MTUS2: variants seen among roughly 807,000 people sequenced by gnomAD.
MTUS2 encodes microtubule-associated tumor suppressor candidate 2.
In MTUS2, 40 loss-of-function variants were observed where a neutral mutation model predicts 114.1. The observed-to-expected ratio is 0.35, with a 90% CI of 0.27 to 0.46. MTUS2 has a LOEUF of 0.46. MTUS2 is among the 20% of genes least tolerant of loss of function. MTUS2 has a pLI of 1.00. For missense variants in MTUS2, 1,679 were observed against 1,705.4 expected (o/e 0.98, Z 0.27); for synonymous variants, 688 against 672.0 (o/e 1.02, Z -0.37).
rs2139038124 is a variant in MTUS2, at chr13:29,504,437, T to A, written c.*1231T>A. ...CTGTCCCGGGGGACCAGTTCTGAGCTGTGCTAGATCATCACACGACCACCC... is the reference window on the plus strand; with the variant it reads ...CTGTCCCGGGGGACCAGTTCTGAGCAGTGCTAGATCATCACACGACCACCC... On this transcript the variant is annotated 3_prime_UTR_variant, in exon 16 of 16. Transcript: ENST00000612955. 4.3e-6 allele frequency: 1 copy of A among 232,244 alleles called. No homozygotes were observed. Among genetic ancestry groups the A allele is most frequent in the East Asian group, 6.1e-5 (1 of 16,412 alleles). 14.4% of individuals were successfully genotyped at this position (232,244 alleles called of 1,614,324 possible). A position where few individuals can be genotyped will look rare whatever the true frequency, so the allele number is the denominator to read the frequency against.
In MTUS2 at chr13:29,026,784, T is replaced by C. The variant is rs1457812435; in HGVS notation, c.2086T>C (p.Tyr696His). The C allele has an allele frequency of 5.0e-6, 8 of 1,613,564 alleles. No homozygotes were observed. Among genetic ancestry groups the C allele is most frequent in the Admixed American group, 1.7e-5 (1 of 60,004 alleles). Residue 696 changes from tyrosine (Y) to histidine (H), a missense_variant, in exon 3 of 16, where the codon TAT (tyrosine) becomes CAT (histidine). Transcript: ENST00000612955. ...GGDLKPSANL[Y>H]EKFKPDLQKP... ...TGACCTGAAGCCATCTGCCAACCTC[T>C]ATGAGAAATTCAAGCCAGACCTGCA... is the stretch of plus-strand genomic sequence containing the variant.
chr13:29,018,895 A>G (rs993621427), intron 2 of MTUS2, among the ~76,000 whole-genome samples: 15 of 152,284 alleles, frequency 9.9e-5, no homozygotes, highest in African/African-American at 3.4e-4. Flanking sequence ...ATGGGCAGAT[A>G]CAATTTTGTT....
rs189434840 is a variant in MTUS2, at chr13:29,447,534, G to C, written c.3184+7485G>C. On this transcript the variant is annotated intron_variant, in intron 9 of 15. Transcript: ENST00000612955. ...TAGGGCTAGGATAATTACCCGTTTGGGGAAATCAGGGTGACTTAAGTTTTG... is the reference window on the plus strand; with the variant it reads ...TAGGGCTAGGATAATTACCCGTTTGCGGAAATCAGGGTGACTTAAGTTTTG... Among the ~76,000 whole-genome samples, 88 of 151,890 alleles carry C rather than the reference G, an allele frequency of 5.8e-4. 1 individual carries two copies. Among genetic ancestry groups the C allele is most frequent in the African/African-American group, 2.0e-3 (81 of 41,388 alleles).
chr13:29,453,305 C>T (rs938203321), intron 9 of MTUS2, among the ~76,000 whole-genome samples: 1 of 152,216 alleles, frequency 6.6e-6, no homozygotes, highest in Non-Finnish European at 1.5e-5. Context: ...TTGAGTTTCT[C>T]GTGAACCTCT....
In MTUS2 at chr13:29,008,385, G is replaced by A. The variant is rs571672231; in HGVS notation, c.-242-16072G>A. 2.0e-3 allele frequency among the ~76,000 whole-genome samples: 309 copies of A among 152,160 alleles called. 1 individual carries two copies. Among genetic ancestry groups the A allele is most frequent in the African/African-American group, 7.1e-3 (295 of 41,532 alleles). On this transcript the variant is annotated intron_variant, in intron 2 of 15. Coordinates refer to ENST00000612955, the MANE Select transcript of MTUS2 (RefSeq NM_001033602.4). ...CAGGACCATCAGTCACATTTTTCTC[G>A]CTGGATCTACTTTCCACCGCCTTCT...
intron 2 of MTUS2, among the ~76,000 whole-genome samples, chr13:28,995,461 A>G (rs181299206): frequency 0.013 from 1,970 of 151,998 alleles, 33 homozygotes; most frequent in East Asian, 0.052. Context: ...ATTGATGGGG[A>G]TGGCATTGAA....
At chr13:29,055,046 C>A (rs1280873605) in intron 4 of MTUS2, among the ~76,000 whole-genome samples, 1 of 151,948 alleles carries the variant, frequency 6.6e-6, no homozygotes, top group African/African-American at 2.4e-5. Context: ...TCAATTAGGT[C>A]CAGTTGATTG....
intron 9 of MTUS2, among the ~76,000 whole-genome samples, chr13:29,452,606 G>GTGTA (rs1555280542): frequency 3.8e-5 from 5 of 132,036 alleles, no homozygotes; most frequent in African/African-American, 5.7e-5. Context: ...GTGTGTGTGT[G>GTGTA]TATATATATA....
intron 5 of MTUS2, among the ~76,000 whole-genome samples, chr13:29,262,936 C>G (rs916860720): frequency 4.6e-5 from 7 of 152,146 alleles, no homozygotes; most frequent in Non-Finnish European, 2.9e-5. Flanking sequence ...ATGGTGTCAG[C>G]TAACATGTAT....
intron 4 of MTUS2, among the ~76,000 whole-genome samples, chr13:29,093,318 C>T (rs1337339577): frequency 6.6e-6 from 1 of 152,062 alleles, no homozygotes; most frequent in Non-Finnish European, 1.5e-5. Flanking sequence ...TGGTGCATGC[C>T]TGTAATCCCA....
chr13:29,017,627 A>G (rs972276471), intron 2 of MTUS2, among the ~76,000 whole-genome samples: 11 of 152,078 alleles, frequency 7.2e-5, no homozygotes, highest in African/African-American at 2.7e-4. Context: ...ATATTCTGAT[A>G]TGGCCCTCTT....
rs35903527 is a variant in MTUS2 at position 29,112,051 on chromosome 13, C to A, written c.2644+11081C>A. ...CCTATAACTACATCATACATCCATT[C>A]CTATAAGTACATCCACAGCAGCATA... is the stretch of plus-strand genomic sequence containing the variant. On this transcript the variant is annotated intron_variant, in intron 5 of 15. Coordinates refer to ENST00000612955, the MANE Select transcript of MTUS2 (RefSeq NM_001033602.4). Among the ~76,000 whole-genome samples the A allele has an allele frequency of 9.1e-3, 1,382 of 152,254 alleles. 13 individuals are homozygous for A. Among genetic ancestry groups the A allele is most frequent in the Middle Eastern group, 0.024 (7 of 294 alleles).
chr13:29,427,631 A>G (rs1438619909), intron 8 of MTUS2, among the ~76,000 whole-genome samples: 2 of 152,204 alleles, frequency 1.3e-5, no homozygotes, highest in East Asian at 1.9e-4. Context: ...GTCTGTTCCT[A>G]TGTGATCACT....
intron 6 of MTUS2, chr13:29,306,801 C>T (rs1459951962): frequency 2.3e-5 from 9 of 391,594 alleles, no homozygotes; most frequent in African/African-American, 1.5e-4. Context: ...AGGCCAGAGT[C>T]GACAGATTTG....
chr13:29,357,547 T>G (rs984386508), intron 7 of MTUS2, among the ~76,000 whole-genome samples: 2 of 152,238 alleles, frequency 1.3e-5, no homozygotes, highest in Non-Finnish European at 2.9e-5. Context: ...GGTCTTAGGC[T>G]GTGTCTTAGA....
At chr13:28,863,629 A>G (rs1325950667) in intron 2 of MTUS2, among the ~76,000 whole-genome samples, 3 of 152,222 alleles carry the variant, frequency 2.0e-5, no homozygotes, top group Admixed American at 6.5e-5. Context: ...AGGTGCTGCA[A>G]AGTGCTTCCG....
At chr13:29,420,273 TCTTTCTTTC>T (rs1237146919) in intron 8 of MTUS2, among the ~76,000 whole-genome samples, 1 of 148,436 alleles carries the variant, frequency 6.7e-6, no homozygotes, top group African/African-American at 2.5e-5. Context: ...TTCTTTCTTT[TCTTTCTTTC>T]CTTTTTTTTT....
chr13:29,026,413 C>A lies in MTUS2; in HGVS notation c.1715C>A (p.Pro572Gln). 1 of 1,613,868 alleles carries A rather than the reference C, an allele frequency of 6.2e-7. No homozygotes were observed. The highest frequency in any genetic ancestry group is 8.5e-7 in the Non-Finnish European group (1 of 1,179,824). Residue 572 changes from proline to glutamine, a missense_variant, in exon 3 of 16, where the codon CCA (proline) becomes CAA (glutamine). Physicochemically the swap from Pro to Gln is moderately conservative, Grantham distance 76. Around this residue, in one of 3 missense-constraint regions of MTUS2, gnomAD observed 843 missense variants for 770.8 expected, o/e 1.09. Coordinates refer to ENST00000612955, the MANE Select transcript of MTUS2 (RefSeq NM_001033602.4). Reference protein sequence around the residue: ...GMDAGSPLVVPPPTDSARLLN... With the variant: ...GMDAGSPLVVQPPTDSARLLN... ...GATGCGGGGTCCCCCTTGGTAGTTC[C>A]ACCCCCTACTGATAGTGCACGCTTG...
intron 5 of MTUS2, among the ~76,000 whole-genome samples, chr13:29,145,380 C>T (rs1159466989): frequency 6.6e-6 from 1 of 151,916 alleles, no homozygotes; most frequent in Non-Finnish European, 1.5e-5. Flanking sequence ...ATGAGCCGGG[C>T]ATGTTGGTGG....
Sources: allele counts gnomAD v4.1 joint callset (sites outside exome capture counted in the v4.1 genomes callset), GRCh38; gene constraint gnomAD v4.1.1; regional missense constraint gnomAD v4.1.1; transcripts MANE v1.5; gene names NCBI Gene and HGNC (gene_info 2026-07-23, HGNC 2026-07-21).